Variants in HPF1 observed in about 807,000 individuals in gnomAD.
The protein encoded by HPF1 is UPF0609 protein C4orf27.
HPF1 carries 35 observed loss-of-function variants against 38.8 expected under a neutral mutation model. The ratio of observed to expected loss-of-function variants is 0.90; its 90% CI spans 0.69 to 1.19. The LOEUF (loss-of-function observed/expected upper bound fraction) is 1.19, where lower values mean the gene tolerates loss of function less well. Ranked by LOEUF, HPF1 falls within the 50% of genes most tolerant of loss-of-function variation. The pLI, the probability that HPF1 is intolerant of heterozygous loss-of-function variation, is 0.00. For missense variants in HPF1, 367 were observed against 405.8 expected (o/e 0.90, Z 0.82); for synonymous variants, 115 against 139.2 (o/e 0.83, Z 1.22).
chr4:169,755,514 C>A (rs1734177523), intron 1 of HPF1, among the ~76,000 whole-genome samples: 2 of 152,120 alleles, frequency 1.3e-5, no homozygotes, highest in South Asian at 2.1e-4. Flanking sequence ...ACTGTGTTAT[C>A]TTTGGCTAAT....
intron 4 of HPF1, among the ~76,000 whole-genome samples, chr4:169,743,825 G>C (rs1734011194): frequency 6.6e-6 from 1 of 151,900 alleles, no homozygotes; most frequent in South Asian, 2.1e-4. Context: ...AACACTGTTA[G>C]GGAGTTAGAA....
chr4:169,738,138 G>C (rs191986546), intron 5 of HPF1, among the ~76,000 whole-genome samples: 1 of 152,280 alleles, frequency 6.6e-6, no homozygotes, highest in Admixed American at 6.5e-5. Flanking sequence ...GTAAGAAATA[G>C]TTCTTGTCAG....
intron 2 of HPF1, among the ~76,000 whole-genome samples, chr4:169,753,072 C>T (rs1236336441): frequency 8.6e-6 from 1 of 116,396 alleles, no homozygotes; most frequent in African/African-American, 3.4e-5. Flanking sequence ...CTTGCTCTGT[C>T]ACCCAGGCTG....
At chr4:169,744,045 C>G (rs1734013753) in intron 4 of HPF1, among the ~76,000 whole-genome samples, 1 of 152,156 alleles carries the variant, frequency 6.6e-6, no homozygotes, top group Non-Finnish European at 1.5e-5. Context: ...ATCTTACCTT[C>G]AATTATTACC....
chr4:169,737,289 C>CA (rs35524684), intron 6 of HPF1, among the ~76,000 whole-genome samples: 70,020 of 107,934 alleles, frequency 0.65, 23,128 homozygotes, highest in East Asian at 0.81. Context: ...CACTCCGTCT[C>CA]AAAAAAAAAA....
chr4:169,754,096 T>TA (rs869247053), intron 1 of HPF1, among the ~76,000 whole-genome samples: 4 of 151,662 alleles, frequency 2.6e-5, no homozygotes, highest in East Asian at 1.9e-4. Flanking sequence ...AACAAAAAGG[T>TA]AAAAAAAAGA....
chr4:169,742,709 G>A (rs947822885), intron 4 of HPF1, among the ~76,000 whole-genome samples: 12 of 152,106 alleles, frequency 7.9e-5, no homozygotes, highest in East Asian at 5.8e-4. Flanking sequence ...GGAGAACGGC[G>A]TGAACCCGGG....
rs1734106211 is a variant in HPF1 at position 169,750,663 on chromosome 4, G to A, written c.271C>T (p.His91Tyr). The change falls in exon 3 of 8, where the codon CAT becomes TAT. Residue 91 changes from histidine (H) to tyrosine (Y), a missense_variant. Transcript: ENST00000393381. ...CCTGTTGATTTTTTCTTCGTTTTAT[G>A]TTTTCCAGCAAGGATATCATAAGGA... ...VGPYDILAGK[H>Y]KTKKKSTGLN... The A allele has an allele frequency of 6.2e-7, 1 of 1,613,882 alleles. No homozygotes were observed. The highest frequency in any genetic ancestry group is 8.5e-7 in the Non-Finnish European group (1 of 1,179,872).
At chr4:169,753,472 C>T (rs1239238644) in intron 2 of HPF1, among the ~76,000 whole-genome samples, 1 of 152,186 alleles carries the variant, frequency 6.6e-6, no homozygotes, top group Non-Finnish European at 1.5e-5. Flanking sequence ...ACTATAGGCA[C>T]ATGCAACCAC....
Position 169,731,792 on chromosome 4 carries a change from A to G in HPF1, c.821T>C (p.Met274Thr). Reference sequence around the variant, plus strand: ...ATTAGCAAACTGCACAAAAGTCATCATTTCCTGAATGGGAGCAAAAGCTTT... The same window carrying G: ...ATTAGCAAACTGCACAAAAGTCATCGTTTCCTGAATGGGAGCAAAAGCTTT... ...RLKAFAPIQE[M>T]MTFVQFANDE... Residue 274 changes from methionine (M) to threonine (T), a missense_variant, in exon 7 of 8, where the codon ATG (methionine) becomes ACG (threonine). By Grantham distance (81) the Met-to-Thr change is moderately conservative (BLOSUM62 -1). Transcript: ENST00000393381. 5.6e-6 allele frequency: 9 copies of G among 1,607,264 alleles called. No individual in the cohort carries two copies. The highest frequency in any genetic ancestry group is 7.6e-6 in the Non-Finnish European group (9 of 1,178,170).
chr4:169,734,998 G>T (rs1017273537), intron 6 of HPF1, among the ~76,000 whole-genome samples: 3 of 151,904 alleles, frequency 2.0e-5, no homozygotes, highest in African/African-American at 7.3e-5. Flanking sequence ...ATGGTGGTGG[G>T]TGCCTGTAAT....
chr4:169,735,094 T>C (rs1733875325), intron 6 of HPF1, among the ~76,000 whole-genome samples: 1 of 141,962 alleles, frequency 7.0e-6, no homozygotes, highest in Admixed American at 7.3e-5. Flanking sequence ...ACCATTGCAC[T>C]CCGGCCTGGG....
At position 169,742,116 on chromosome 4, in the gene HPF1, G is replaced by T. The variant is rs2150290906; in HGVS notation, c.498-9C>A. On this transcript the variant is annotated splice_polypyrimidine_tract_variant and intron_variant, in intron 4 of 7. Transcript: ENST00000393381. ...TTTTCGTCAAAAATAATCTGAAAAA[G>T]AAGTAAAAGTCCGCATTATGTGGCA... 6.2e-7 allele frequency: 1 copy of T among 1,608,066 alleles called. No homozygotes were observed.
chr4:169,754,109 T>A (rs954847748), intron 1 of HPF1, among the ~76,000 whole-genome samples: 3 of 152,030 alleles, frequency 2.0e-5, no homozygotes, highest in Admixed American at 1.3e-4. Flanking sequence ...AAAAAAGAAA[T>A]AATAAAGAGC....
At position 169,757,871 on chromosome 4, in the gene HPF1, C is replaced by G. The variant is rs1202453506; in HGVS notation, c.7G>C (p.Gly3Arg). Residue 3 changes from glycine to arginine, a missense_variant, in exon 1 of 8, where the codon GGC (glycine) becomes CGC (arginine). Coordinates refer to ENST00000393381, the MANE Select transcript of HPF1 (RefSeq NM_017867.3). MV[G>R]GGGKRRPGGE... ...CCGGGCCTGCGCTTCCCGCCACCGC[C>G]GACCATTCTGCAGCTGCAGCGCCAG... The G allele has an allele frequency of 3.2e-6, 5 of 1,561,092 alleles. No individual in the cohort carries two copies. In the Admixed American group the frequency reaches 5.4e-5, roughly 17 times the overall value.
intron 2 of HPF1, among the ~76,000 whole-genome samples, chr4:169,753,036 T>TTG (rs1304659583): frequency 6.9e-6 from 1 of 145,310 alleles, no homozygotes; most frequent in East Asian, 2.0e-4. Context: ...AGGTTTTTTT[T>TTG]TTTTTTTTTT....
In HPF1 at chr4:169,751,158, C is replaced by G. The variant is rs1208901134; in HGVS notation, c.209-433G>C. ...TGGTCGCTCACACCTGTAATCCCAG[C>G]ACTTTGGCAGGCTGAGGCGGGCTGA... is the stretch of plus-strand genomic sequence containing the variant. On this transcript the variant is annotated intron_variant, in intron 2 of 7. Coordinates refer to ENST00000393381, the MANE Select transcript of HPF1 (RefSeq NM_017867.3). Among the ~76,000 whole-genome samples, 4 of 152,234 alleles carry G rather than the reference C, an allele frequency of 2.6e-5. No individual in the cohort carries two copies. The South Asian group carries it at 8.3e-4, about 32-fold the overall frequency.
chr4:169,754,970 C>G (rs1229823307), intron 1 of HPF1, among the ~76,000 whole-genome samples: 1 of 151,828 alleles, frequency 6.6e-6, no homozygotes, highest in Non-Finnish European at 1.5e-5. Context: ...GCACAATGTG[C>G]AGGTTTGTTA....
At chr4:169,737,082 C>T (rs17055113) in intron 6 of HPF1, among the ~76,000 whole-genome samples, 310 of 152,078 alleles carry the variant, frequency 2.0e-3, no homozygotes, top group African/African-American at 7.1e-3. Flanking sequence ...GAAATAGTTC[C>T]CAAGAAGCAG....
Sources: allele counts gnomAD v4.1 joint callset (sites outside exome capture counted in the v4.1 genomes callset), GRCh38; gene constraint gnomAD v4.1.1; transcripts MANE v1.5; gene names NCBI Gene and HGNC (gene_info 2026-07-23, HGNC 2026-07-21).